ALG12: variants seen among roughly 807,000 people sequenced by gnomAD.
The protein encoded by ALG12 is ALG12 alpha-1,6-mannosyltransferase.
In ALG12, 36 loss-of-function variants were observed where a neutral mutation model predicts 46.0. The ratio of observed to expected loss-of-function variants is 0.78; its 90% CI spans 0.60 to 1.03. The LOEUF (loss-of-function observed/expected upper bound fraction) is 1.03, where lower values mean the gene tolerates loss of function less well. Among genes scored for constraint, ALG12 ranks in the 50% least tolerant of loss-of-function variants. ALG12 has a pLI of 0.00. For missense variants in ALG12, 599 were observed against 633.5 expected (o/e 0.95, Z 0.58); for synonymous variants, 326 against 291.6 (o/e 1.12, Z -1.20).
chr22:49,894,111 G>C, the ALG12 span, among the ~76,000 whole-genome samples: 2 of 152,220 alleles, frequency 1.3e-5, no homozygotes, highest in African/African-American at 4.8e-5. Flanking sequence ...GTTGCAGTGA[G>C]CCGAGATGGC....
chr22:49,916,925 A>T (rs952220083), intron 1 of ALG12, among the ~76,000 whole-genome samples: 2 of 152,254 alleles, frequency 1.3e-5, no homozygotes, highest in African/African-American at 4.8e-5. Flanking sequence ...AGCAAGGAAG[A>T]GTTCAGCTGT....
At chr22:49,913,578 C>G (rs751731882) in intron 2 of ALG12, 26 bp downstream of exon 2, 16 of 1,613,738 alleles carry the variant, frequency 9.9e-6, no homozygotes, top group Non-Finnish European at 1.3e-5. Context: ...ATGAGGTTTT[C>G]CCCAAAGACA....
At chr22:49,886,599 C>T in the ALG12 span, 3 of 1,563,138 alleles carry the variant, frequency 1.9e-6, no homozygotes, top group Non-Finnish European at 2.6e-6. This position sits in a 1 kb window ranked among gnomAD's most constrained non-coding sequence, Gnocchi z 7.7. Flanking sequence ...TGGGCATCGA[C>T]ACCATGCTGC....
chr22:49,902,236 T>C lies in ALG12; in HGVS notation c.*1602A>G, dbSNP rs1569171730. The C allele has an allele frequency of 7.7e-6, 1 of 129,294 alleles. No individual in the cohort carries two copies. Among genetic ancestry groups the C allele is most frequent in the African/African-American group, 4.2e-5 (1 of 23,608 alleles). The allele number at this position is 129,294 out of a possible 1,614,324, so 8.0% of individuals were successfully genotyped here. The stretch of plus-strand genomic sequence containing the variant: ...CTGTGTGGTGTGTATGCATGGTGTG[T>C]GCACGTGTGCACTGTGTATGCATGG... On this transcript the variant is annotated 3_prime_UTR_variant, in exon 10 of 10. Coordinates refer to ENST00000330817, the MANE Select transcript of ALG12 (RefSeq NM_024105.4).
the ALG12 span, chr22:49,884,975 C>G: frequency 6.2e-7 from 1 of 1,613,492 alleles, no homozygotes; most frequent in Non-Finnish European, 8.5e-7. Flanking sequence ...GGGCTGAGTC[C>G]TAGATTGTTT....
intron 5 of ALG12, 64 bp from the exon 6 acceptor site, chr22:49,909,411 T>A: frequency 6.7e-7 from 1 of 1,484,940 alleles, no homozygotes; most frequent in Non-Finnish European, 9.4e-7. Flanking sequence ...CCCGCCACAA[T>A]GCAGCCCCCA....
In ALG12 at chr22:49,905,805, T is replaced by C. The variant is rs796904776; in HGVS notation, c.993-1299A>G. 4.6e-5 allele frequency among the ~76,000 whole-genome samples: 7 copies of C among 152,284 alleles called. No individual in the cohort carries two copies. The highest frequency in any genetic ancestry group is 1.4e-4 in the African/African-American group (6 of 41,560). On this transcript the variant is annotated intron_variant, in intron 7 of 9. Transcript: ENST00000330817. The surrounding 1 kb of genome is among the most constrained non-coding windows in gnomAD (Gnocchi z 4.9). The stretch of plus-strand genomic sequence containing the variant: ...AGCAGACTAGTGCACCCTTGAACAA[T>C]CTCTGGTGCGGTTTCTGAGCTCGAG...
chr22:49,908,913 C>G (rs1350234977), intron 6 of ALG12, among the ~76,000 whole-genome samples: 2 of 148,720 alleles, frequency 1.3e-5, no homozygotes, highest in African/African-American at 2.5e-5. Flanking sequence ...GATCATACCA[C>G]TGTACTCCAG....
chr22:49,896,821 TAG>T (rs1460461136), downstream of ALG12, among the ~76,000 whole-genome samples: 2 of 149,422 alleles, frequency 1.3e-5, no homozygotes, highest in Non-Finnish European at 3.0e-5. Flanking sequence ...TATTTTTTTT[TAG>T]TAGAGACGGG....
Position 49,903,862 on chromosome 22 carries a change from C to T in ALG12, c.1443G>A (p.Leu481=). 6.2e-7 allele frequency: 1 copy of T among 1,614,250 alleles called. No homozygotes were observed. Among genetic ancestry groups the T allele is most frequent in the Non-Finnish European group, 8.5e-7 (1 of 1,180,034 alleles). Residue 481 remains leucine, a synonymous_variant, in exon 10 of 10, where the codon CTG becomes CTA. Coordinates refer to ENST00000330817, the MANE Select transcript of ALG12 (RefSeq NM_024105.4). ...CTCAGGACGGCCGGGGGAGCCTCTC[C>T]AGAAGCACCAGCTTTGTCTGCAGGT... is the stretch of plus-strand genomic sequence containing the variant. ...NVHLQTKLVL[L]ERLPRPS
rs1407234889 is a variant in ALG12 at position 49,907,779 on chromosome 22, A to G, written c.934T>C (p.Phe312Leu). Residue 312 changes from phenylalanine to leucine, a missense_variant, in exon 7 of 10, where the codon TTC (phenylalanine) becomes CTC (leucine). Physicochemically the swap from Phe to Leu is conservative, Grantham distance 22. Coordinates refer to ENST00000330817, the MANE Select transcript of ALG12 (RefSeq NM_024105.4). ...AGCATGGGGAAGGCATAGATGATGA[A>G]GCGTAGCTCCTTGTGTGGCAGGAGG... ...YSLLPHKELR[F>L]IIYAFPMLNI... 1.2e-6 allele frequency: 2 copies of G among 1,614,142 alleles called. No individual in the cohort carries two copies. The highest frequency in any genetic ancestry group is 2.7e-5 in the African/African-American group (2 of 75,038).
At chr22:49,873,667 A>C in the ALG12 span, among the ~76,000 whole-genome samples, 4 of 148,250 alleles carry the variant, frequency 2.7e-5, no homozygotes, top group African/African-American at 1.1e-4. Context: ...TGCAAAGAGC[A>C]GTAAAGCGAG....
rs970024697 is a variant in ALG12, at chr22:49,905,516, C to T, written c.993-1010G>A. On this transcript the variant is annotated intron_variant, in intron 7 of 9. Coordinates refer to ENST00000330817, the MANE Select transcript of ALG12 (RefSeq NM_024105.4). This position sits in a 1 kb window ranked among gnomAD's most constrained non-coding sequence, Gnocchi z 4.9. ...GCGCCATCCCCTCCATGCTGTTCTC[C>T]TCATACCGAGTGAGTTCTCGAGAGG... Among the ~76,000 whole-genome samples, 2 of 152,216 alleles carry T rather than the reference C, an allele frequency of 1.3e-5. No homozygotes were observed. The highest frequency in any genetic ancestry group is 6.5e-5 in the Admixed American group (1 of 15,284).
chr22:49,887,111 T>G, the ALG12 span: 1 of 1,613,128 alleles, frequency 6.2e-7, no homozygotes, highest in Non-Finnish European at 8.5e-7. Flanking sequence ...TCCAGGCTCA[T>G]GATGGAACAT....
chr22:49,872,024 G>T, the ALG12 span, among the ~76,000 whole-genome samples: 1 of 152,102 alleles, frequency 6.6e-6, no homozygotes, highest in South Asian at 2.1e-4. Context: ...GATTACAGGC[G>T]TGAGCCACTG....
At position 49,913,615 on chromosome 22, in the gene ALG12, C is replaced by G. The variant is rs1569178180; in HGVS notation, c.151G>C (p.Asp51His). Residue 51 changes from aspartate to histidine, a missense_variant, in exon 2 of 10, where the codon GAC becomes CAC. By Grantham distance (81) the Asp-to-His change is moderately conservative. Transcript: ENST00000330817. ...ATHDLLYHWQ[D>H]LEQYDHLEFP... Reference sequence around the variant, plus strand: ...CAGGGGCCCCTCACCTGCTCCAGGTCTTGCCAGTGGTAGAGCAGGTCATGT... The same window carrying G: ...CAGGGGCCCCTCACCTGCTCCAGGTGTTGCCAGTGGTAGAGCAGGTCATGT... 2 of 1,614,016 alleles carry G rather than the reference C, an allele frequency of 1.2e-6. No homozygotes were observed. Among genetic ancestry groups the G allele is most frequent in the Non-Finnish European group, 1.7e-6 (2 of 1,180,050 alleles).
chr22:49,917,132 C>G (rs973605037), intron 1 of ALG12, among the ~76,000 whole-genome samples: 1 of 152,218 alleles, frequency 6.6e-6, no homozygotes, highest in Non-Finnish European at 1.5e-5. Flanking sequence ...AAAACCACGA[C>G]GAACCCCCCA....
chr22:49,862,519 A>G, the ALG12 span, among the ~76,000 whole-genome samples: 25 of 152,240 alleles, frequency 1.6e-4, 2 homozygotes, highest in South Asian at 1.9e-3. Context: ...AGATGGACAC[A>G]GTTGTAACTG....
At chr22:49,896,984 A>C (rs889964812), downstream of ALG12, among the ~76,000 whole-genome samples, 2 of 152,112 alleles carry the variant, frequency 1.3e-5, no homozygotes, top group Non-Finnish European at 2.9e-5. Context: ...TCAAAAAAAA[A>C]AACAATTCCT....
Sources: gnomAD v4.1 joint callset for allele counts (sites outside exome capture counted in the v4.1 genomes callset) on GRCh38, gnomAD v4.1.1 for gene constraint, Gnocchi (gnomAD v3.1) non-coding constraint, MANE v1.5 for transcripts, NCBI Gene and HGNC (gene_info 2026-07-23, HGNC 2026-07-21) for gene names.